The following RBFOX1 variants were observed in gnomAD, a reference collection of about 807,000 sequenced individuals.
The protein encoded by RBFOX1 is RNA binding protein fox-1 homolog 1.
In RBFOX1, 8 loss-of-function variants were observed where a neutral mutation model predicts 57.7. The ratio of observed to expected loss-of-function variants is 0.14; its 90% CI spans 0.08 to 0.25. RBFOX1 has a LOEUF of 0.25. Among genes scored for constraint, RBFOX1 ranks in the 10% least tolerant of loss-of-function variants. The pLI is 1.00. For synonymous variants in RBFOX1, 326 were observed against 222.4 expected, an observed-to-expected ratio of 1.47 and a Z score of -4.15; for missense variants, 611 against 548.5, an observed-to-expected ratio of 1.11 and a Z score of -1.14.
intron 1 of RBFOX1, among the ~76,000 whole-genome samples, chr16:5,276,601 G>GGA (rs1353729457): frequency 3.3e-5 from 5 of 152,052 alleles, no homozygotes; most frequent in African/African-American, 1.2e-4. Flanking sequence ...TGACTAACAT[G>GGA]GTGAAACCCC....
intron 14 of RBFOX1, among the ~76,000 whole-genome samples, chr16:7,678,902 A>G (rs1034903904): frequency 1.3e-5 from 2 of 152,170 alleles, no homozygotes; most frequent in East Asian, 1.9e-4. Context: ...TGCAATTCCA[A>G]CTTTAGTACC....
intron 3 of RBFOX1, among the ~76,000 whole-genome samples, chr16:6,955,387 C>A (rs903632673): frequency 6.6e-6 from 1 of 151,842 alleles, no homozygotes; most frequent in Admixed American, 6.6e-5. Context: ...CACATACACA[C>A]ACTCAAAACC....
At chr16:6,488,095 C>G (rs8054453) in intron 2 of RBFOX1, among the ~76,000 whole-genome samples, 28,840 of 152,044 alleles carry the variant, frequency 0.19, 2,756 homozygotes, top group Middle Eastern at 0.26. Flanking sequence ...TCAAGGTGCA[C>G]TATTTGCCCA....
chr16:6,672,375 A>G (rs1378509263), intron 3 of RBFOX1, among the ~76,000 whole-genome samples: 1 of 151,064 alleles, frequency 6.6e-6, no homozygotes, highest in African/African-American at 2.4e-5. Context: ...AAGAGGGAGA[A>G]AGAGAGAGAG....
intron 4 of RBFOX1, among the ~76,000 whole-genome samples, chr16:7,090,546 C>T (rs1348626893): frequency 6.6e-6 from 1 of 152,142 alleles, no homozygotes; most frequent in Admixed American, 6.5e-5. Flanking sequence ...TTAATATGTC[C>T]ATCATTTGGT....
intron 4 of RBFOX1, among the ~76,000 whole-genome samples, chr16:7,263,704 T>G (rs541491097): frequency 6.6e-6 from 1 of 151,956 alleles, no homozygotes; most frequent in African/African-American, 2.4e-5. Flanking sequence ...GAGACCAGCC[T>G]GGCTAACATG....
chr16:6,748,358 T>C (rs2074219217), intron 3 of RBFOX1, among the ~76,000 whole-genome samples: 1 of 152,092 alleles, frequency 6.6e-6, no homozygotes, highest in Non-Finnish European at 1.5e-5. Flanking sequence ...TATGTATGTA[T>C]GTATGAGCAC....
At position 6,779,464 on chromosome 16, in the gene RBFOX1, A is replaced by G. The variant is rs890203617; in HGVS notation, c.-16+124814A>G. Among the ~76,000 whole-genome samples, 4 of 151,904 alleles carry G rather than the reference A, an allele frequency of 2.6e-5. No homozygotes were observed. The Middle Eastern group carries it at 0.014, about 517-fold the overall frequency. On this transcript the variant is annotated intron_variant, in intron 3 of 15. Transcript: ENST00000550418. ...TCATAACTTGGCTGTTGTGAAGAGT[A>G]CTACAATAAACATGGCAGTGCACAT...
chr16:7,581,481 A>G (rs2093756928), intron 6 of RBFOX1, among the ~76,000 whole-genome samples: 2 of 152,026 alleles, frequency 1.3e-5, no homozygotes, highest in Non-Finnish European at 2.9e-5. Context: ...GTTGGCTTTC[A>G]ATGTGATCCC....
intron 3 of RBFOX1, among the ~76,000 whole-genome samples, chr16:5,821,288 C>A (rs866189546): frequency 1.6e-5 from 2 of 125,450 alleles, no homozygotes; most frequent in African/African-American, 6.2e-5. Flanking sequence ...GTCATTCTCT[C>A]TTTTTTTATT....
rs2071513302 is a variant in RBFOX1, at chr16:7,671,749, T to G, written c.931-5025T>G. The G allele has an allele frequency of 5.5e-6, 4 of 725,410 alleles. No homozygotes were observed. The South Asian group carries it at 6.7e-5, about 12-fold the overall frequency. The allele number at this position is 725,410 out of a possible 1,614,324, so 44.9% of individuals were successfully genotyped here. On this transcript the variant is annotated intron_variant, in intron 13 of 15. Coordinates refer to ENST00000550418, the MANE Select transcript of RBFOX1 (RefSeq NM_018723.4). Reference sequence around the variant, plus strand: ...AATTTTCCAGTTTTAATATGAAATCTCCTAGAATAGAGGTGAGGTGGCTAT... The same window carrying G: ...AATTTTCCAGTTTTAATATGAAATCGCCTAGAATAGAGGTGAGGTGGCTAT...
At chr16:7,655,179 AC>A (rs777574222) in intron 12 of RBFOX1, among the ~76,000 whole-genome samples, 26 of 152,218 alleles carry the variant, frequency 1.7e-4, no homozygotes, top group Non-Finnish European at 8.8e-5. Flanking sequence ...TTCATTCTAA[AC>A]CAGAGCATTT....
At chr16:5,546,339 G>A (rs2045204981) in intron 2 of RBFOX1, among the ~76,000 whole-genome samples, 1 of 152,124 alleles carries the variant, frequency 6.6e-6, no homozygotes, top group African/African-American at 2.4e-5. Context: ...AATTTATACA[G>A]ACAATGAAAG....
chr16:6,555,641 C>G (rs1028707225), intron 2 of RBFOX1, among the ~76,000 whole-genome samples: 1 of 151,752 alleles, frequency 6.6e-6, no homozygotes, highest in East Asian at 1.9e-4. Flanking sequence ...CAGAGCTTGC[C>G]GTGAGCCAAG....
At chr16:7,609,054 CA>C (rs2056909840) in intron 10 of RBFOX1, among the ~76,000 whole-genome samples, 1 of 152,164 alleles carries the variant, frequency 6.6e-6, no homozygotes, top group Non-Finnish European at 1.5e-5. Context: ...TGCAAAGCTG[CA>C]AGGAAATCAA....
intron 4 of RBFOX1, among the ~76,000 whole-genome samples, chr16:7,386,453 C>A (rs1239786129): frequency 6.7e-6 from 1 of 149,258 alleles, no homozygotes; most frequent in South Asian, 2.2e-4. Context: ...TTGTTCACCT[C>A]CCACTTATGA....
rs746288443 is a variant in RBFOX1 at position 6,832,021 on chromosome 16, T to C, written c.-16+177371T>C. The stretch of plus-strand genomic sequence containing the variant: ...GTATCACTAATTAAATAAAGTACTT[T>C]GGAATTCATTGACAGCCTGCACTTA... On this transcript the variant is annotated intron_variant, in intron 3 of 15. Coordinates refer to ENST00000550418, the MANE Select transcript of RBFOX1 (RefSeq NM_018723.4). Among the ~76,000 whole-genome samples the C allele has an allele frequency of 2.0e-5, 3 of 152,238 alleles. No individual in the cohort carries two copies. In the East Asian group the frequency reaches 5.8e-4, roughly 29 times the overall value.
intron 3 of RBFOX1, among the ~76,000 whole-genome samples, chr16:6,855,617 C>T (rs1041986878): frequency 1.3e-5 from 2 of 149,442 alleles, no homozygotes; most frequent in Non-Finnish European, 3.0e-5. Flanking sequence ...CGCACCACTT[C>T]ACTCCAGCCT....
intron 14 of RBFOX1, among the ~76,000 whole-genome samples, chr16:7,684,348 G>A (rs1444600347): frequency 6.6e-6 from 1 of 152,066 alleles, no homozygotes; most frequent in Admixed American, 6.6e-5. Context: ...GGAATTTGAG[G>A]GGATGGGAGT....
Sources: allele counts gnomAD v4.1 joint callset (sites outside exome capture counted in the v4.1 genomes callset), GRCh38; gene constraint gnomAD v4.1.1; transcripts MANE v1.5; gene names NCBI Gene and HGNC (gene_info 2026-07-23, HGNC 2026-07-21).